The following METTL8 variants were observed in gnomAD, a reference collection of about 807,000 sequenced individuals.
METTL8 encodes methyltransferase 8, tRNA N3-cytidine.
METTL8 carries 32 observed loss-of-function variants against 48.7 expected under a neutral mutation model. That is an observed-to-expected ratio of 0.66 (90% confidence interval 0.50 to 0.88). The LOEUF (loss-of-function observed/expected upper bound fraction) is 0.88. Among genes scored for constraint, METTL8 ranks in the 40% least tolerant of loss-of-function variants. METTL8 has a pLI of 0.00. For synonymous variants in METTL8, 136 were observed against 157.1 expected, an observed-to-expected ratio of 0.87 and a Z score of 1.01; for missense variants, 464 against 474.4, an observed-to-expected ratio of 0.98 and a Z score of 0.20.
intron 2 of METTL8, among the ~76,000 whole-genome samples, chr2:171,382,294 G>A (rs1687629027): frequency 6.6e-6 from 1 of 152,072 alleles, no homozygotes; most frequent in Non-Finnish European, 1.5e-5. Context: ...GCAAAGACAT[G>A]GAACCAACCC....
chr2:171,347,181 G>T (rs1234291264), intron 3 of METTL8, among the ~76,000 whole-genome samples: 1 of 152,160 alleles, frequency 6.6e-6, no homozygotes, highest in Non-Finnish European at 1.5e-5. Context: ...TTTGTTCTGT[G>T]TCTCTGCAGC....
chr2:171,353,057 T>C (rs1272040288), intron 3 of METTL8, among the ~76,000 whole-genome samples: 2 of 152,238 alleles, frequency 1.3e-5, no homozygotes, highest in African/African-American at 4.8e-5. Context: ...TTAATTGTGA[T>C]GTTAGGGTGT....
intron 3 of METTL8, among the ~76,000 whole-genome samples, chr2:171,357,423 C>T (rs1431548724): frequency 6.6e-6 from 1 of 151,932 alleles, no homozygotes; most frequent in African/African-American, 2.4e-5. Context: ...GAAAGCAATC[C>T]CATTTCCAAT....
intron 2 of METTL8, among the ~76,000 whole-genome samples, chr2:171,367,133 C>T (rs1036117234): frequency 2.6e-5 from 4 of 151,656 alleles, no homozygotes; most frequent in Admixed American, 6.6e-5. Flanking sequence ...TAAAGAAATA[C>T]TAAAATTTTT....
chr2:171,427,781 T>C lies in METTL8; in HGVS notation c.-13+6102A>G, dbSNP rs570622598. On this transcript the variant is annotated intron_variant, in intron 1 of 9. Coordinates refer to ENST00000375258, the MANE Select transcript of METTL8 (RefSeq NM_001321154.2). ...TACCTAGAAATCTTATTTTTTCATCTATTTATTTATTGTCTATCTCCTCCC... is the reference window on the plus strand; with the variant it reads ...TACCTAGAAATCTTATTTTTTCATCCATTTATTTATTGTCTATCTCCTCCC... 4.6e-5 allele frequency among the ~76,000 whole-genome samples: 7 copies of C among 152,380 alleles called. No individual in the cohort carries two copies. In the East Asian group the frequency reaches 1.3e-3, roughly 29 times the overall value.
intron 3 of METTL8, among the ~76,000 whole-genome samples, chr2:171,343,388 G>A (rs113252171): frequency 0.02 from 3,003 of 151,994 alleles, 92 homozygotes; most frequent in African/African-American, 0.067. Flanking sequence ...GCGGTGAGCT[G>A]CGATCGTGCC....
At chr2:171,397,678 A>C (rs1689245934) in intron 1 of METTL8, among the ~76,000 whole-genome samples, 1 of 152,106 alleles carries the variant, frequency 6.6e-6, no homozygotes, top group South Asian at 2.1e-4. Flanking sequence ...ACTTCTGGCA[A>C]GACTGATATC....
At position 171,323,226 on chromosome 2, in the gene METTL8, C is replaced by CTTTTTTTTTTTTT. The variant is rs35200087; in HGVS notation, c.*933_*945dup. 1.4e-5 allele frequency: 1 copy of CTTTTTTTTTTTTT among 69,354 alleles called. No homozygotes were observed. Among genetic ancestry groups the CTTTTTTTTTTTTT allele is most frequent in the African/African-American group, 6.1e-5 (1 of 16,476 alleles). The allele number at this position is 69,354 out of a possible 1,614,324, so 4.3% of individuals were successfully genotyped here. A position where few individuals can be genotyped will look rare whatever the true frequency, so the allele number is the denominator to read the frequency against. ...TACAAGAGCTTGTCAGCTTACATAC[C>CTTTTTTTTTTTTT]TTTTTTTTTTTTTTTTTTTTTTTTG... On this transcript the variant is annotated 3_prime_UTR_variant, in exon 10 of 10. Transcript: ENST00000375258.
rs111874651 is a variant in METTL8 at position 171,408,512 on chromosome 2, A to G, written c.-12-16315T>C. Among the ~76,000 whole-genome samples, 213 of 152,114 alleles carry G rather than the reference A, an allele frequency of 1.4e-3. 4 individuals are homozygous for G. In the East Asian group the frequency reaches 0.015, roughly 10 times the overall value. On this transcript the variant is annotated intron_variant, in intron 1 of 9. Coordinates refer to ENST00000375258, the MANE Select transcript of METTL8 (RefSeq NM_001321154.2). ...TCTCCATGTTGGTCAGGTTGGTCTC[A>G]AACTCCCGATCTCACGTGATCCACC...
At position 171,371,836 on chromosome 2, in the gene METTL8, CTATTATTATTATTATTAT is replaced by C. The variant is rs4027587; in HGVS notation, c.144-11341_144-11324del. ...TTAAATTACATTATTGTTATTATTA[CTATTATTATTATTATTAT>C]TATTATTATTATTATTGTAGAGACG... is the stretch of plus-strand genomic sequence containing the variant. On this transcript the variant is annotated intron_variant, in intron 2 of 9. Coordinates refer to ENST00000375258, the MANE Select transcript of METTL8 (RefSeq NM_001321154.2). Among the ~76,000 whole-genome samples the C allele has an allele frequency of 7.0e-5, 10 of 143,862 alleles. No individual in the cohort carries two copies. The Admixed American group carries it at 7.0e-4, about 10-fold the overall frequency. The allele number at this position is 143,862 out of a possible 152,430, so 94.4% of individuals were successfully genotyped here.
intron 3 of METTL8, among the ~76,000 whole-genome samples, chr2:171,358,738 C>T (rs1012504635): frequency 1.3e-5 from 2 of 152,082 alleles, no homozygotes; most frequent in Admixed American, 6.6e-5. Context: ...TGCTCCAGGA[C>T]ATTGGAGCAT....
At chr2:171,337,178 T>G (rs1421276501) in intron 5 of METTL8, among the ~76,000 whole-genome samples, 1 of 152,184 alleles carries the variant, frequency 6.6e-6, no homozygotes, top group Non-Finnish European at 1.5e-5. Context: ...GCTTCCTCTT[T>G]TCTTATTCTC....
chr2:171,339,384 T>C lies in METTL8; in HGVS notation c.406A>G (p.Ser136Gly), dbSNP rs1201886612. 1.2e-6 allele frequency: 2 copies of C among 1,613,454 alleles called. No individual in the cohort carries two copies. The highest frequency in any genetic ancestry group is 1.7e-6 in the Non-Finnish European group (2 of 1,179,600). The change falls in exon 4 of 10, where the codon AGT (serine) becomes GGT (glycine). Residue 136 changes from serine (S) to glycine (G), a missense_variant. Transcript: ENST00000375258. ...ATTCTTGAGAAACGATTTGTAGCAC[T>C]AGTTTTTACATGATCCCATGATGAT... ...RESSWDHVKT[S>G]ATNRFSRMHC...
Position 171,339,266 on chromosome 2 carries a change from T to C in METTL8, c.524A>G (p.Asn175Ser). Residue 175 changes from asparagine (N) to serine (S), a missense_variant, in exon 4 of 10, where the codon AAC becomes AGC. Asn to Ser is a conservative substitution (Grantham distance 46, BLOSUM62 1). Coordinates refer to ENST00000375258, the MANE Select transcript of METTL8 (RefSeq NM_001321154.2). The part of the protein sequence containing the change: ...GQSKTESDFS[N>S]LDSEKHKKGP... ...TTTTTTGTGTTTTTCAGAGTCTAGG[T>C]TGGAAAAATCAGATTCTGTTTTGCT... The C allele has an allele frequency of 1.2e-6, 2 of 1,612,260 alleles. No homozygotes were observed. The highest frequency in any genetic ancestry group is 1.7e-6 in the Non-Finnish European group (2 of 1,179,022).
chr2:171,396,438 T>G (rs1055739717), intron 1 of METTL8, among the ~76,000 whole-genome samples: 3 of 152,210 alleles, frequency 2.0e-5, no homozygotes, highest in East Asian at 1.9e-4. Flanking sequence ...AGGTCTACTT[T>G]GTCTGATATT....
intron 3 of METTL8, among the ~76,000 whole-genome samples, chr2:171,346,599 A>G (rs1474088734): frequency 6.6e-6 from 1 of 152,176 alleles, no homozygotes; most frequent in Non-Finnish European, 1.5e-5. Flanking sequence ...ATAAAGTGAG[A>G]TAAGATCAGT....
Position 171,325,873 on chromosome 2 carries a change from C to A in METTL8, c.1001G>T (p.Gly334Val). The A allele has an allele frequency of 6.2e-7, 1 of 1,600,876 alleles. No homozygotes were observed. The highest frequency in any genetic ancestry group is 1.1e-5 in the South Asian group (1 of 89,350). Reference sequence around the variant, plus strand: ...AAAGAAATATGCTCTGGTACCATCTCCTCGAACATAAAAATTTTCAGATAA... The same window carrying A: ...AAAGAAATATGCTCTGGTACCATCTACTCGAACATAAAAATTTTCAGATAA... ...HCLSENFYVR[G>V]DGTRAYFFTK... The change falls in exon 9 of 10, where the codon GGA (glycine) becomes GTA (valine). Residue 334 changes from glycine (G) to valine (V), a missense_variant. Gly to Val is a moderately radical substitution (Grantham distance 109). Coordinates refer to ENST00000375258, the MANE Select transcript of METTL8 (RefSeq NM_001321154.2).
At chr2:171,346,650 C>T (rs1447119064) in intron 3 of METTL8, among the ~76,000 whole-genome samples, 1 of 152,154 alleles carries the variant, frequency 6.6e-6, no homozygotes, top group Non-Finnish European at 1.5e-5. Flanking sequence ...ATATAGAATA[C>T]TCTGTGATGG....
chr2:171,415,352 T>C (rs1385016173), intron 1 of METTL8, among the ~76,000 whole-genome samples: 1 of 136,262 alleles, frequency 7.3e-6, no homozygotes, highest in Non-Finnish European at 1.6e-5. Flanking sequence ...TCGAAATCTT[T>C]TTTTTTTTTT....
Sources: allele counts gnomAD v4.1 joint callset (sites outside exome capture counted in the v4.1 genomes callset), GRCh38; gene constraint gnomAD v4.1.1; transcripts MANE v1.5; gene names NCBI Gene and HGNC (gene_info 2026-07-23, HGNC 2026-07-21).